CARD8: variants seen among roughly 807,000 people sequenced by gnomAD.
CARD8 encodes the protein caspase recruitment domain-containing protein 8.
A neutral mutation model predicts 53.2 loss-of-function variants in CARD8; 38 were observed. That is an observed-to-expected ratio of 0.71 (90% confidence interval 0.55 to 0.94). The LOEUF (loss-of-function observed/expected upper bound fraction) is 0.94, where lower values mean the gene tolerates loss of function less well. Among genes scored for constraint, CARD8 ranks in the 40% least tolerant of loss-of-function variants. CARD8 has a pLI of 0.00. For missense variants in CARD8, 561 were observed against 655.5 expected (o/e 0.86, Z 1.57); for synonymous variants, 245 against 244.9 (o/e 1.00, Z 0.00).
At position 48,241,523 on chromosome 19, in the gene CARD8, C is replaced by T. The variant is rs1230696376; in HGVS notation, c.-43-460G>A. Among the ~76,000 whole-genome samples the T allele has an allele frequency of 2.6e-5, 4 of 152,098 alleles. No individual in the cohort carries two copies. In the East Asian group the frequency reaches 7.7e-4, roughly 29 times the overall value. On this transcript the variant is annotated intron_variant, in intron 3 of 13. Coordinates refer to ENST00000651546, the MANE Select transcript of CARD8 (RefSeq NM_001184900.3). Reference sequence around the variant, plus strand: ...GGCCCGTCTCGGCCTCCCAAAGTGCCGGATTGCAGGCGTGAGCCACCGTGC... The same window carrying T: ...GGCCCGTCTCGGCCTCCCAAAGTGCTGGATTGCAGGCGTGAGCCACCGTGC...
intron 1 of CARD8, 54 bp downstream of exon 1, chr19:48,255,738 C>CT (rs146838898): frequency 5.3e-5 from 8 of 152,352 alleles, no homozygotes; most frequent in Non-Finnish European, 1.0e-4. Flanking sequence ...TGGCGGTGTC[C>CT]TACCAACAAG....
intron 11 of CARD8, among the ~76,000 whole-genome samples, chr19:48,220,993 G>GGAAA (rs1207927306): frequency 3.7e-5 from 4 of 106,896 alleles, no homozygotes; most frequent in Admixed American, 1.1e-4. Flanking sequence ...AAGGAAGGAA[G>GGAAA]GAAAGAAAGA....
Position 48,210,300 on chromosome 19 carries a change from A to T in CARD8, c.*1410T>A, listed in dbSNP as rs1483778550. 6.6e-6 allele frequency: 1 copy of T among 152,198 alleles called. No individual in the cohort carries two copies. The highest frequency in any genetic ancestry group is 1.5e-5 in the Non-Finnish European group (1 of 68,024). The allele number at this position is 152,198 out of a possible 1,614,324, so 9.4% of individuals were successfully genotyped here. ...AAGATGTCCTCAGAGGAAGCAAAAAATAAGAGAATCTGTACCTATCAGAAC... is the reference window on the plus strand; with the variant it reads ...AAGATGTCCTCAGAGGAAGCAAAAATTAAGAGAATCTGTACCTATCAGAAC... On this transcript the variant is annotated 3_prime_UTR_variant, in exon 14 of 14. Transcript: ENST00000651546.
intron 3 of CARD8, among the ~76,000 whole-genome samples, chr19:48,242,841 C>A (rs559930034): frequency 1.3e-5 from 2 of 152,154 alleles, no homozygotes; most frequent in Admixed American, 6.5e-5. Context: ...TATACCAAAG[C>A]GCCAATCTCC....
At chr19:48,219,822 T>A (rs1234908592) in intron 11 of CARD8, among the ~76,000 whole-genome samples, 1 of 151,968 alleles carries the variant, frequency 6.6e-6, no homozygotes, top group Non-Finnish European at 1.5e-5. Flanking sequence ...AATACAACAA[T>A]TAGCCAGGCG....
chr19:48,238,169 G>A (rs1032422268), intron 5 of CARD8: 3 of 773,338 alleles, frequency 3.9e-6, no homozygotes, highest in Non-Finnish European at 5.7e-6. Flanking sequence ...GAGATTACAG[G>A]TGTGAGCCAC....
At chr19:48,233,441 C>T (rs1257440829) in intron 6 of CARD8, 2 of 455,830 alleles carry the variant, frequency 4.4e-6, no homozygotes, top group African/African-American at 2.0e-5. Flanking sequence ...CTTTACAGCG[C>T]TTTTCTCGGA....
In CARD8 at chr19:48,208,590, T is replaced by C. The variant is rs972309368; in HGVS notation, c.*3120A>G. ...AAGGATGAGCTGCAAAAATCTCCAC[T>C]TGTCTGGCAAATGACAACTCAGTGG... On this transcript the variant is annotated 3_prime_UTR_variant, in exon 14 of 14. Transcript: ENST00000651546. 5 of 152,200 alleles carry C rather than the reference T, an allele frequency of 3.3e-5. No individual in the cohort carries two copies. The highest frequency in any genetic ancestry group is 9.7e-5 in the African/African-American group (4 of 41,444). The allele number at this position is 152,200 out of a possible 1,614,324, so 9.4% of individuals were successfully genotyped here. A position where few individuals can be genotyped will look rare whatever the true frequency, so the allele number is the denominator to read the frequency against.
chr19:48,252,882 G>A (rs2047120076), intron 1 of CARD8, among the ~76,000 whole-genome samples: 1 of 151,770 alleles, frequency 6.6e-6, no homozygotes, highest in Non-Finnish European at 1.5e-5. Context: ...TAAACTAACT[G>A]TATCTGCTTG....
Position 48,230,473 on chromosome 19 carries a change from AG to A in CARD8, c.999del (p.Leu334CysfsTer10), listed in dbSNP as rs750044997. ...AAGGCGTCGCTGGGGACAAGGTACA[AG>A]TGGAACTTAATATCTTCGGGGTGGG... ...YHPHPEDIKF[H>X]LYLVPSDALL... On this transcript the variant is annotated frameshift_variant, in exon 10 of 14. Coordinates refer to ENST00000651546, the MANE Select transcript of CARD8 (RefSeq NM_001184900.3). LOFTEE classifies it high-confidence loss of function. The A allele has an allele frequency of 1.5e-5, 24 of 1,613,404 alleles. No individual in the cohort carries two copies. The East Asian group carries it at 5.3e-4, about 36-fold the overall frequency.
chr19:48,241,048 C>T lies in CARD8; in HGVS notation c.-28G>A, dbSNP rs1375413250. The stretch of plus-strand genomic sequence containing the variant: ...GTCAAATGTGGTATTTATGTCTTTA[C>T]TGTATCTTTTTTACCCTGAAAAAAT... On this transcript the variant is annotated 5_prime_UTR_variant, in exon 4 of 14. Transcript: ENST00000651546. The T allele has an allele frequency of 4.0e-6, 6 of 1,515,580 alleles. No individual in the cohort carries two copies. The highest frequency in any genetic ancestry group is 1.2e-5 in the South Asian group (1 of 83,624). The allele number at this position is 1,515,580 out of a possible 1,614,324, so 93.9% of individuals were successfully genotyped here.
intron 1 of CARD8, among the ~76,000 whole-genome samples, chr19:48,252,152 C>G (rs2047009572): frequency 6.6e-6 from 1 of 152,122 alleles, no homozygotes; most frequent in South Asian, 2.1e-4. Context: ...AGGGAGCATT[C>G]AATGGCTGAT....
rs985422753 is a variant in CARD8 at position 48,208,347 on chromosome 19, G to A, written c.*3363C>T. ...CCTAATTCACATTCAAACGCCCTGA[G>A]AATGGAGCTAACAGGATACACTGCA... On this transcript the variant is annotated 3_prime_UTR_variant, in exon 14 of 14. Coordinates refer to ENST00000651546, the MANE Select transcript of CARD8 (RefSeq NM_001184900.3). 3 of 152,122 alleles carry A rather than the reference G, an allele frequency of 2.0e-5. No homozygotes were observed. Among genetic ancestry groups the A allele is most frequent in the African/African-American group, 7.2e-5 (3 of 41,412 alleles). The allele number at this position is 152,122 out of a possible 1,614,324, so 9.4% of individuals were successfully genotyped here.
At position 48,218,929 on chromosome 19, in the gene CARD8, T is replaced by G. The variant is rs1568678740; in HGVS notation, c.1245A>C (p.Gln415His). Reference sequence around the variant, plus strand: ...CATGTCTTTTTTCAGTAATCTCAAGTTGAATGGGTTCCTTCATCTGCCCAG... The same window carrying G: ...CATGTCTTTTTTCAGTAATCTCAAGGTGAATGGGTTCCTTCATCTGCCCAG... ...FYAGQMKEPI[Q>H]LEITEKRHGT... is the part of the protein sequence containing the mutation. The change falls in exon 12 of 14, where the codon CAA becomes CAC. Residue 415 changes from glutamine (Q) to histidine (H), a missense_variant. Transcript: ENST00000651546. 6.2e-7 allele frequency: 1 copy of G among 1,613,996 alleles called. No homozygotes were observed.
At chr19:48,230,098 G>A (rs1460533548) in intron 10 of CARD8, among the ~76,000 whole-genome samples, 1 of 152,040 alleles carries the variant, frequency 6.6e-6, no homozygotes, top group East Asian at 1.9e-4. Flanking sequence ...GGGTGACAGA[G>A]TAAGACTCTG....
rs1199397080 is a variant in CARD8 at position 48,232,508 on chromosome 19, C to T, written c.351-15G>A. On this transcript the variant is annotated splice_polypyrimidine_tract_variant and intron_variant, in intron 6 of 13. Transcript: ENST00000651546. Reference sequence around the variant, plus strand: ...CTTCTGATACACTGGAGGTTGGGATCCCCATGTTACAAAAAGATGAAAAAC... The same window carrying T: ...CTTCTGATACACTGGAGGTTGGGATTCCCATGTTACAAAAAGATGAAAAAC... 2.8e-5 allele frequency: 43 copies of T among 1,534,344 alleles called. No homozygotes were observed. Among genetic ancestry groups the T allele is most frequent in the Non-Finnish European group, 3.4e-5 (39 of 1,145,276 alleles).
chr19:48,228,369 C>T (rs1456242204), intron 10 of CARD8, among the ~76,000 whole-genome samples: 1 of 152,196 alleles, frequency 6.6e-6, no homozygotes, highest in East Asian at 1.9e-4. Flanking sequence ...AAACTACTTC[C>T]TGGTGCCTAA....
chr19:48,233,344 C>T (rs750193123), intron 6 of CARD8: 33 of 456,214 alleles, frequency 7.2e-5, no homozygotes, highest in Middle Eastern at 6.5e-4. Context: ...CTGTTTATTT[C>T]GACGTGAAAG....
At chr19:48,204,597 G>A (rs1164333630), downstream of CARD8, among the ~76,000 whole-genome samples, 1 of 152,132 alleles carries the variant, frequency 6.6e-6, no homozygotes, top group Non-Finnish European at 1.5e-5. Context: ...CCTGCTGGAA[G>A]CCAGGCACAG....
Sources: allele counts gnomAD v4.1 joint callset (sites outside exome capture counted in the v4.1 genomes callset), GRCh38; gene constraint gnomAD v4.1.1; transcripts MANE v1.5; gene names NCBI Gene and HGNC (gene_info 2026-07-23, HGNC 2026-07-21).